Variants in PCDHGA5 observed in about 807,000 individuals in gnomAD.
The protein encoded by PCDHGA5 is protocadherin gamma subfamily A, 5, also known as protocadherin gamma-A5.
A neutral mutation model predicts 56.7 loss-of-function variants in PCDHGA5; 36 were observed. That is an observed-to-expected ratio of 0.64 (90% confidence interval 0.49 to 0.84). The LOEUF (loss-of-function observed/expected upper bound fraction) is 0.84, where lower values mean the gene tolerates loss of function less well. Among genes scored for constraint, PCDHGA5 ranks in the 40% least tolerant of loss-of-function variants. PCDHGA5 has a pLI of 0.00. For missense variants in PCDHGA5, 1,305 were observed against 1,201.5 expected, an observed-to-expected ratio of 1.09 and a Z score of -1.27; for synonymous variants, 563 against 520.2, an observed-to-expected ratio of 1.08 and a Z score of -1.12.
In PCDHGA5 at chr5:141,366,041, G is replaced by A. The variant is rs755866285; in HGVS notation, c.1711G>A (p.Gly571Ser). The A allele has an allele frequency of 3.1e-6, 5 of 1,614,114 alleles. No homozygotes were observed. Among genetic ancestry groups the A allele is most frequent in the Admixed American group, 3.3e-5 (2 of 60,008 alleles). Residue 571 changes from glycine (G) to serine (S), a missense_variant, in exon 1 of 4, where the codon GGT (glycine) becomes AGT (serine). Physicochemically the swap from Gly to Ser is moderately conservative, Grantham distance 56. Coordinates refer to ENST00000518069, the MANE Select transcript of PCDHGA5 (RefSeq NM_018918.3). Reference protein sequence around the residue: ...EILYPALPTDGSTGVELAPRS... With the variant: ...EILYPALPTDSSTGVELAPRS... ...CCTGTACCCCGCCCTCCCCACAGAC[G>A]GTTCCACGGGCGTGGAGCTGGCGCC...
intron 1 of PCDHGA5, chr5:141,440,945 A>T (rs1210278728): frequency 2.6e-5 from 4 of 152,234 alleles, no homozygotes; most frequent in African/African-American, 9.7e-5. Flanking sequence ...CCAGGACTAG[A>T]GTGTCAAGGC....
chr5:141,405,375 C>T lies in PCDHGA5; in HGVS notation c.2421+38624C>T, dbSNP rs368501516. On this transcript the variant is annotated intron_variant, in intron 1 of 3. Transcript: ENST00000518069. ...CCTATAGAAGACACCCCTTTGGTTC[C>T]GGTGAGTTCATTTTTTTTCTTTCTT... The T allele has an allele frequency of 3.2e-5, 51 of 1,602,124 alleles. No individual in the cohort carries two copies. Among genetic ancestry groups the T allele is most frequent in the East Asian group, 6.7e-5 (3 of 44,850 alleles).
rs1161188105 is a variant in PCDHGA5, at chr5:141,427,974, G to A, written c.2421+61223G>A. 9 of 1,594,458 alleles carry A rather than the reference G, an allele frequency of 5.6e-6. No individual in the cohort carries two copies. In the Admixed American group the frequency reaches 1.5e-4, roughly 27 times the overall value. ...CAATGTGCCGCGGGTGCTGTACCCC[G>A]CGCTGGGGCCCGATGGCTCCGCACT... On this transcript the variant is annotated intron_variant, in intron 1 of 3. Transcript: ENST00000518069.
chr5:141,375,597 T>C, intron 1 of PCDHGA5: 4 of 1,614,160 alleles, frequency 2.5e-6, no homozygotes, highest in Non-Finnish European at 3.4e-6. Flanking sequence ...TCCTCCTACG[T>C]GTCCATCAAC....
chr5:141,489,776 C>T lies in PCDHGA5; in HGVS notation c.2422-5031C>T. The T allele has an allele frequency of 6.2e-7, 1 of 1,614,202 alleles. No homozygotes were observed. Among genetic ancestry groups the T allele is most frequent in the Non-Finnish European group, 8.5e-7 (1 of 1,180,020 alleles). On this transcript the variant is annotated intron_variant, in intron 1 of 3. Transcript: ENST00000518069. This position sits in a 1 kb window ranked among gnomAD's most constrained non-coding sequence, Gnocchi z 4.5. ...ACTCTAAGCCCCAACAGCCACTTCT[C>T]TCTGAATGTGAAGACCCTAAAAGAT...
At chr5:141,387,473 G>C (rs1032850562) in intron 1 of PCDHGA5, among the ~76,000 whole-genome samples, 2 of 152,190 alleles carry the variant, frequency 1.3e-5, no homozygotes. Context: ...CCTCAAAGTT[G>C]GGATGAAGGC....
intron 1 of PCDHGA5, among the ~76,000 whole-genome samples, chr5:141,448,378 A>G (rs1288817591): frequency 6.6e-6 from 1 of 152,154 alleles, no homozygotes; most frequent in East Asian, 1.9e-4. Context: ...ATTTTTGAAT[A>G]GGAAATACAT....
At chr5:141,416,210 A>G (rs1264276644) in intron 1 of PCDHGA5, 2 of 152,420 alleles carry the variant, frequency 1.3e-5, no homozygotes, top group African/African-American at 4.8e-5. Flanking sequence ...TATTTATAAC[A>G]ATGTATGCTT....
intron 1 of PCDHGA5, chr5:141,414,464 A>G (rs1331771342): frequency 1.2e-6 from 2 of 1,613,904 alleles, no homozygotes; most frequent in African/African-American, 1.3e-5. Context: ...ACAGCCACAG[A>G]TGGGGGAAGT....
At chr5:141,392,744 CG>C (rs2092583694) in intron 1 of PCDHGA5, 1 of 1,439,038 alleles carries the variant, frequency 6.9e-7, no homozygotes, top group East Asian at 2.5e-5. Context: ...TCCATAGCTG[CG>C]GCAAGAAACT....
In PCDHGA5 at chr5:141,371,356, C is replaced by T. The variant is rs748519288; in HGVS notation, c.2421+4605C>T. 2.4e-5 allele frequency: 38 copies of T among 1,613,940 alleles called. No homozygotes were observed. The East Asian group carries it at 7.8e-4, about 33-fold the overall frequency. ...GATAGCTACACAATTGGGGTGGAAG[C>T]AAAGGATGGTGGACATCACACTGCA... is the stretch of plus-strand genomic sequence containing the variant. On this transcript the variant is annotated intron_variant, in intron 1 of 3. Transcript: ENST00000518069.
Position 141,419,064 on chromosome 5 carries a change from A to G in PCDHGA5, c.2421+52313A>G, listed in dbSNP as rs149057484. ...ATTCATTCTTCTTCTAATAATTACT[A>G]CAAGCTAGTAACAGATGAGGCCCTG... On this transcript the variant is annotated intron_variant, in intron 1 of 3. Transcript: ENST00000518069. 51 of 1,613,962 alleles carry G rather than the reference A, an allele frequency of 3.2e-5. No homozygotes were observed. In the African/African-American group the frequency reaches 5.9e-4, roughly 19 times the overall value.
chr5:141,399,643 C>G lies in PCDHGA5; in HGVS notation c.2421+32892C>G, dbSNP rs776980167. On this transcript the variant is annotated intron_variant, in intron 1 of 3. Transcript: ENST00000518069. The stretch of plus-strand genomic sequence containing the variant: ...GGCCTCTTACGTGTCCATGAGCGCG[C>G]AAAGTGGGGTGGTGTTCGCGCAGCG... 133 of 1,613,714 alleles carry G rather than the reference C, an allele frequency of 8.2e-5. No individual in the cohort carries two copies. Among genetic ancestry groups the G allele is most frequent in the Non-Finnish European group, 1.1e-4 (126 of 1,179,890 alleles).
At chr5:141,385,408 A>G in intron 1 of PCDHGA5, 1 of 1,478,414 alleles carries the variant, frequency 6.8e-7, no homozygotes, top group Middle Eastern at 1.8e-4. Flanking sequence ...TGTTTTGAAA[A>G]TAGGGATTTA....
rs774288267 is a variant in PCDHGA5, at chr5:141,392,993, G to A, written c.2421+26242G>A. On this transcript the variant is annotated intron_variant, in intron 1 of 3. Transcript: ENST00000518069. ...TGGGGCTGGACCCCCGGAAGCTGGCGAAGCACGGAGTCCGTATCGTCTCCA... is the reference window on the plus strand; with the variant it reads ...TGGGGCTGGACCCCCGGAAGCTGGCAAAGCACGGAGTCCGTATCGTCTCCA... The A allele has an allele frequency of 5.0e-6, 8 of 1,613,802 alleles. 1 individual carries two copies. In the South Asian group the frequency reaches 6.6e-5, roughly 13 times the overall value.
chr5:141,488,437 C>A (rs1327345486), intron 1 of PCDHGA5, among the ~76,000 whole-genome samples: 2 of 152,210 alleles, frequency 1.3e-5, no homozygotes, highest in Non-Finnish European at 2.9e-5. Context: ...CCTCTGACCA[C>A]CCTCCTGGGT....
rs754530973 is a variant in PCDHGA5 at position 141,413,859 on chromosome 5, C to T, written c.2421+47108C>T. 11 of 1,613,248 alleles carry T rather than the reference C, an allele frequency of 6.8e-6. No individual in the cohort carries two copies. The Admixed American group carries it at 1.7e-4, about 24-fold the overall frequency. On this transcript the variant is annotated intron_variant, in intron 1 of 3. Transcript: ENST00000518069. ...ACGGGGGTGACCCTCTCCGATCTGG[C>T]ACTGTCCTTGTCAGTGTGACTGTCT...
Position 141,491,844 on chromosome 5 carries a change from G to A in PCDHGA5, c.2422-2963G>A. On this transcript the variant is annotated intron_variant, in intron 1 of 3. Transcript: ENST00000518069. The surrounding 1 kb of genome is among the most constrained non-coding windows in gnomAD (Gnocchi z 6.9). ...GCTCCACCCGATTCTCGGGATCATT[G>A]GACCGTTTGCGCGAAACCAGAGTGG... 1 of 1,464,184 alleles carries A rather than the reference G, an allele frequency of 6.8e-7. No homozygotes were observed. 90.7% of individuals were successfully genotyped at this position (1,464,184 alleles called of 1,614,324 possible).
chr5:141,391,198 C>T (rs2092314570), intron 1 of PCDHGA5: 1 of 152,156 alleles, frequency 6.6e-6, no homozygotes, highest in South Asian at 2.1e-4. Context: ...AAAATATATA[C>T]AAAATACCAA....
Sources: gnomAD v4.1 joint callset for allele counts (sites outside exome capture counted in the v4.1 genomes callset) on GRCh38, gnomAD v4.1.1 for gene constraint, Gnocchi (gnomAD v3.1) non-coding constraint, MANE v1.5 for transcripts, NCBI Gene and HGNC (gene_info 2026-07-23, HGNC 2026-07-21) for gene names.